The following PALLD variants were observed in gnomAD, a reference collection of about 807,000 sequenced individuals.
PALLD encodes the protein palladin, cytoskeletal associated protein.
In PALLD, 61 loss-of-function variants were observed where a neutral mutation model predicts 123.5. That is an observed-to-expected ratio of 0.49 (90% CI 0.40 to 0.61). PALLD has a LOEUF of 0.61. Ranked by LOEUF, PALLD falls within the 20% of genes least tolerant of loss-of-function variation. The probability of loss-of-function intolerance (pLI) is 0.00; values close to 1 mark genes in which losing one functional copy is unlikely to be tolerated. For synonymous variants in PALLD, 465 were observed against 496.4 expected (o/e 0.94, Z 0.84); for missense variants, 1,273 against 1,377.0 (o/e 0.92, Z 1.20).
At chr4:168,913,452 A>C (rs1170784793) in intron 15 of PALLD, among the ~76,000 whole-genome samples, 1 of 152,072 alleles carries the variant, frequency 6.6e-6, no homozygotes, top group African/African-American at 2.4e-5. Context: ...CTAACATTTA[A>C]TTAGTATATT....
At chr4:168,684,337 A>G (rs1781824807) in intron 5 of PALLD, among the ~76,000 whole-genome samples, 1 of 152,202 alleles carries the variant, frequency 6.6e-6, no homozygotes, top group Non-Finnish European at 1.5e-5. Flanking sequence ...CCCCATGTTT[A>G]TAGTTGGGAG....
rs370091203 is a variant in PALLD, at chr4:168,727,148, CTA to C, written c.1964+15227_1964+15228del. 2.8e-4 allele frequency among the ~76,000 whole-genome samples: 42 copies of C among 152,282 alleles called. No homozygotes were observed. In the South Asian group the frequency reaches 8.5e-3, roughly 31 times the overall value. ...CCACTGATGGGCACCTAGGTTGACTCTATGTCTTTGCTACTATGAATAGTGCT... is the reference window on the plus strand; with the variant it reads ...CCACTGATGGGCACCTAGGTTGACTCTGTCTTTGCTACTATGAATAGTGCT... On this transcript the variant is annotated intron_variant, in intron 10 of 21. Coordinates refer to ENST00000505667, the MANE Select transcript of PALLD (RefSeq NM_001166108.2).
chr4:168,505,199 TTAAGCCTGA>T (rs761831229), intron 1 of PALLD, among the ~76,000 whole-genome samples: 1 of 152,204 alleles, frequency 6.6e-6, no homozygotes, highest in Non-Finnish European at 1.5e-5. Flanking sequence ...GGCTTGCAAA[TTAAGCCTGA>T]ACCAGATATG....
intron 10 of PALLD, among the ~76,000 whole-genome samples, chr4:168,851,775 T>G (rs1747830861): frequency 6.6e-6 from 1 of 152,220 alleles, no homozygotes; most frequent in Non-Finnish European, 1.5e-5. Flanking sequence ...TACCCCTATT[T>G]GATAAGCATA....
At chr4:168,616,692 G>T (rs1273745961) in intron 2 of PALLD, among the ~76,000 whole-genome samples, 1 of 152,116 alleles carries the variant, frequency 6.6e-6, no homozygotes, top group East Asian at 1.9e-4. Context: ...GAAAAATAAG[G>T]ATTCCCAAGC....
intron 10 of PALLD, among the ~76,000 whole-genome samples, chr4:168,803,517 T>A (rs912125658): frequency 1.3e-5 from 2 of 152,080 alleles, no homozygotes; most frequent in African/African-American, 4.8e-5. Context: ...AGACCCTGTC[T>A]CTACCAATAA....
chr4:168,767,761 G>C (rs1733881368), intron 10 of PALLD, among the ~76,000 whole-genome samples: 1 of 152,022 alleles, frequency 6.6e-6, no homozygotes, highest in South Asian at 2.1e-4. Flanking sequence ...TGGTTAGGCT[G>C]GTCTCAAACT....
chr4:168,659,096 TCCA>T (rs1778883261), intron 2 of PALLD, among the ~76,000 whole-genome samples: 1 of 152,200 alleles, frequency 6.6e-6, no homozygotes, highest in Admixed American at 6.5e-5. Flanking sequence ...CAAAAAATAC[TCCA>T]TAAAAATTAA....
At chr4:168,698,623 A>G (rs1783386257) in intron 8 of PALLD, among the ~76,000 whole-genome samples, 1 of 152,012 alleles carries the variant, frequency 6.6e-6, no homozygotes. Context: ...TGCTCCACCG[A>G]GTGAGCCTTA....
chr4:168,926,280 A>G lies in PALLD; in HGVS notation c.*100A>G, dbSNP rs754444061. The G allele has an allele frequency of 9.1e-6, 14 of 1,537,130 alleles. No homozygotes were observed. In the South Asian group the frequency reaches 1.5e-4, roughly 17 times the overall value. On this transcript the variant is annotated 3_prime_UTR_variant, in exon 22 of 22. Transcript: ENST00000505667. Reference sequence around the variant, plus strand: ...TACGGCCCTCAGCCAGTCGCTATGCAGCACTTTCGGACCAGGGACTAGACA... The same window carrying G: ...TACGGCCCTCAGCCAGTCGCTATGCGGCACTTTCGGACCAGGGACTAGACA...
rs188071600 is a variant in PALLD at position 168,504,323 on chromosome 4, T to C, written c.-82-7100T>C. On this transcript the variant is annotated intron_variant, in intron 1 of 21. Transcript: ENST00000505667. ...AAAAACAGTTGTGGTTGGCCAGGCA[T>C]GGTGGCTCACACCTGTAATCCCAGC... 1.5e-3 allele frequency among the ~76,000 whole-genome samples: 225 copies of C among 152,280 alleles called. 1 individual carries two copies. Among genetic ancestry groups the C allele is most frequent in the African/African-American group, 4.5e-3 (188 of 41,550 alleles).
chr4:168,772,713 C>T (rs539899770), intron 10 of PALLD, among the ~76,000 whole-genome samples: 1 of 152,268 alleles, frequency 6.6e-6, no homozygotes, highest in Non-Finnish European at 1.5e-5. Flanking sequence ...CAAAAAAACA[C>T]GCATCCCATT....
chr4:168,856,562 A>T (rs12510834), intron 10 of PALLD, among the ~76,000 whole-genome samples: 1 of 152,130 alleles, frequency 6.6e-6, no homozygotes, highest in African/African-American at 2.4e-5. Flanking sequence ...ATGGTATCTC[A>T]TCGTGGTTTT....
At chr4:168,538,948 A>T (rs1449841779) in intron 2 of PALLD, among the ~76,000 whole-genome samples, 8 of 152,190 alleles carry the variant, frequency 5.3e-5, no homozygotes, top group Admixed American at 5.2e-4. Flanking sequence ...TGTGGTTCAG[A>T]ATTTAGCCCT....
intron 10 of PALLD, among the ~76,000 whole-genome samples, chr4:168,729,332 AT>A (rs5863955): frequency 0.06 from 8,683 of 144,156 alleles, 283 homozygotes; most frequent in South Asian, 0.094. Flanking sequence ...TACCTGGCTA[AT>A]TTTTTTTTTT....
At chr4:168,618,064 C>T (rs1160445040) in intron 2 of PALLD, among the ~76,000 whole-genome samples, 1 of 151,988 alleles carries the variant, frequency 6.6e-6, no homozygotes, top group African/African-American at 2.4e-5. Context: ...AAAGTAACAC[C>T]AATGAGAACA....
rs115687593 is a variant in PALLD at position 168,773,652 on chromosome 4, C to T, written c.1964+61729C>T. Among the ~76,000 whole-genome samples the T allele has an allele frequency of 2.6e-3, 402 of 152,254 alleles. 1 individual carries two copies. Among genetic ancestry groups the T allele is most frequent in the African/African-American group, 9.5e-3 (393 of 41,542 alleles). ...CAGAGCCTCTGCACTCAGCCATCAT[C>T]GTGTACTGCCCCGCTGTGAATTTCA... is the stretch of plus-strand genomic sequence containing the variant. On this transcript the variant is annotated intron_variant, in intron 10 of 21. Transcript: ENST00000505667.
At chr4:168,631,853 G>A in intron 2 of PALLD, 1 of 985,542 alleles carries the variant, frequency 1.0e-6, no homozygotes, top group Non-Finnish European at 1.2e-6. Context: ...AGACCCCCAA[G>A]AGGAGCTTGT....
chr4:168,773,217 A>G (rs1341773806), intron 10 of PALLD, among the ~76,000 whole-genome samples: 1 of 152,200 alleles, frequency 6.6e-6, no homozygotes, highest in Non-Finnish European at 1.5e-5. Flanking sequence ...CTTAAAGTGA[A>G]TAACTGTAAA....
Sources: gnomAD v4.1 joint callset for allele counts (sites outside exome capture counted in the v4.1 genomes callset) on GRCh38, gnomAD v4.1.1 for gene constraint, MANE v1.5 for transcripts, NCBI Gene and HGNC (gene_info 2026-07-23, HGNC 2026-07-21) for gene names.